The following CLDN10 variants were observed in gnomAD, a reference collection of about 807,000 sequenced individuals.
The protein encoded by CLDN10 is claudin-10.
In CLDN10, 15 loss-of-function variants were observed where a neutral mutation model predicts 22.9. That is an observed-to-expected ratio of 0.65 (90% CI 0.44 to 1.01). CLDN10 has a LOEUF of 1.01. Among genes scored for constraint, CLDN10 ranks in the 50% least tolerant of loss-of-function variants. The pLI is 0.00. For missense variants in CLDN10, 247 were observed against 287.8 expected (o/e 0.86, Z 1.03); for synonymous variants, 114 against 111.4 (o/e 1.02, Z -0.15).
intron 1 of CLDN10, among the ~76,000 whole-genome samples, chr13:95,500,350 AG>A (rs1300205071): frequency 1.4e-4 from 22 of 152,312 alleles, no homozygotes; most frequent in African/African-American, 5.3e-4. Context: ...ATTTAGCCTG[AG>A]GCCTCAATGC....
intron 1 of CLDN10, among the ~76,000 whole-genome samples, chr13:95,531,504 A>C (rs561998855): frequency 2.0e-5 from 3 of 152,036 alleles, no homozygotes. Context: ...AAATTAAAAG[A>C]AGGAAACTTT....
intron 1 of CLDN10, among the ~76,000 whole-genome samples, chr13:95,532,289 GCTCTTACAAAAACAAAGAAACAA>G (rs1195050770): frequency 6.6e-6 from 1 of 152,082 alleles, no homozygotes; most frequent in Non-Finnish European, 1.5e-5. Flanking sequence ...TATAGAAACA[GCTCTTACAAAAACAAAGAAACAA>G]CTCAATAGAA....
intron 1 of CLDN10, among the ~76,000 whole-genome samples, chr13:95,543,325 A>G (rs560364863): frequency 2.3e-4 from 35 of 152,296 alleles, no homozygotes; most frequent in Admixed American, 1.4e-3. Context: ...GTAACAAAGA[A>G]TGGTGCCATT....
intron 1 of CLDN10, among the ~76,000 whole-genome samples, chr13:95,474,010 G>A (rs995073628): frequency 3.3e-5 from 5 of 152,202 alleles, no homozygotes; most frequent in Non-Finnish European, 5.9e-5. Context: ...GACGGGGGTC[G>A]CAGGGTAGTT....
At chr13:95,553,568 T>A (rs2043595414) in intron 1 of CLDN10, among the ~76,000 whole-genome samples, 1 of 152,248 alleles carries the variant, frequency 6.6e-6, no homozygotes, top group Non-Finnish European at 1.5e-5. Flanking sequence ...TACAAACTTG[T>A]CTGCCTAGGC....
intron 1 of CLDN10, among the ~76,000 whole-genome samples, chr13:95,470,657 G>A (rs1382874671): frequency 1.3e-5 from 2 of 152,070 alleles, no homozygotes; most frequent in East Asian, 1.9e-4. Context: ...CCCTCTTCAC[G>A]AATGAAAAGA....
At position 95,538,153 on chromosome 13, in the gene CLDN10, C is replaced by CTTT. The variant is rs1176533524; in HGVS notation, c.215-21953_215-21951dup. Reference sequence around the variant, plus strand: ...TGACCCATTGACAAACTGTTTATTTCTTTTTTTTTTTTTTTTTTTTTTTTT... The same window carrying CTTT: ...TGACCCATTGACAAACTGTTTATTTCTTTTTTTTTTTTTTTTTTTTTTTTTTTT... On this transcript the variant is annotated intron_variant, in intron 1 of 4. Transcript: ENST00000376873. Among the ~76,000 whole-genome samples, 213 of 66,818 alleles carry CTTT rather than the reference C, an allele frequency of 3.2e-3. 21 individuals carry two copies. In the Middle Eastern group the frequency reaches 0.048, roughly 15 times the overall value. The allele number at this position is 66,818 out of a possible 152,430, so 43.8% of individuals were successfully genotyped here.
At chr13:95,513,095 G>C (rs1336850801) in intron 1 of CLDN10, among the ~76,000 whole-genome samples, 1 of 152,088 alleles carries the variant, frequency 6.6e-6, no homozygotes, top group African/African-American at 2.4e-5. Flanking sequence ...GCCCAGGTTG[G>C]TCTTGATCTC....
chr13:95,500,873 G>A (rs2042977242), intron 1 of CLDN10, among the ~76,000 whole-genome samples: 1 of 152,106 alleles, frequency 6.6e-6, no homozygotes, highest in East Asian at 1.9e-4. Flanking sequence ...TTGAATGGAA[G>A]GGTGACACAA....
chr13:95,434,638 A>G (rs1380374814), intron 1 of CLDN10, among the ~76,000 whole-genome samples: 1 of 152,028 alleles, frequency 6.6e-6, no homozygotes, highest in East Asian at 1.9e-4. Context: ...TCATGCACAC[A>G]CATATGTAAC....
chr13:95,565,079 C>T (rs1436247947), intron 3 of CLDN10, among the ~76,000 whole-genome samples: 1 of 151,806 alleles, frequency 6.6e-6, no homozygotes, highest in East Asian at 1.9e-4. Flanking sequence ...TCCCTTTAGG[C>T]TGTGTCAAAC....
intron 3 of CLDN10, among the ~76,000 whole-genome samples, chr13:95,574,954 GCTC>G (rs1271342514): frequency 6.6e-6 from 1 of 152,036 alleles, no homozygotes; most frequent in Non-Finnish European, 1.5e-5. Context: ...TGTTTGTAAT[GCTC>G]CTTTCAGTGA....
chr13:95,462,724 C>A (rs1442273678), intron 1 of CLDN10, among the ~76,000 whole-genome samples: 2 of 152,086 alleles, frequency 1.3e-5, no homozygotes, highest in Non-Finnish European at 2.9e-5. Flanking sequence ...TAGCCAAGTT[C>A]CACCTCATTC....
At chr13:95,446,240 C>T (rs983383122) in intron 1 of CLDN10, among the ~76,000 whole-genome samples, 1 of 152,178 alleles carries the variant, frequency 6.6e-6, no homozygotes, top group African/African-American at 2.4e-5. Flanking sequence ...CCTTCCTGCA[C>T]TGGCTGGGAA....
At chr13:95,506,523 T>G (rs911723625) in intron 1 of CLDN10, among the ~76,000 whole-genome samples, 1 of 152,180 alleles carries the variant, frequency 6.6e-6, no homozygotes, top group Non-Finnish European at 1.5e-5. Context: ...TGCCTCCCTC[T>G]GGGAGAAGTT....
At chr13:95,514,476 C>CT (rs1469527963) in intron 1 of CLDN10, among the ~76,000 whole-genome samples, 6 of 147,994 alleles carry the variant, frequency 4.1e-5, no homozygotes, top group African/African-American at 1.5e-4. Flanking sequence ...ATTGGGCTAC[C>CT]TTTTATGTAG....
chr13:95,525,166 C>G (rs527601453), intron 1 of CLDN10, among the ~76,000 whole-genome samples: 2 of 152,186 alleles, frequency 1.3e-5, no homozygotes, highest in East Asian at 1.9e-4. Flanking sequence ...CCTATTTGTA[C>G]TCTTTTAAAT....
At chr13:95,467,771 T>C (rs2139097401) in intron 1 of CLDN10, among the ~76,000 whole-genome samples, 1 of 151,564 alleles carries the variant, frequency 6.6e-6, no homozygotes, top group Middle Eastern at 3.4e-3. Flanking sequence ...CCCAAGAGAG[T>C]GTAATCTGAA....
chr13:95,517,535 T>C (rs191016321), intron 1 of CLDN10, among the ~76,000 whole-genome samples: 1 of 152,246 alleles, frequency 6.6e-6, no homozygotes, highest in Non-Finnish European at 1.5e-5. Context: ...ACACTTCCTA[T>C]TCTTCAGAAA....
Sources: gnomAD v4.1 joint callset for allele counts (sites outside exome capture counted in the v4.1 genomes callset) on GRCh38, gnomAD v4.1.1 for gene constraint, MANE v1.5 for transcripts, NCBI Gene and HGNC (gene_info 2026-07-23, HGNC 2026-07-21) for gene names.